KIAA1217: variants seen among roughly 807,000 people sequenced by gnomAD.
The protein encoded by KIAA1217 is sickle tail protein homolog.
Under a neutral mutation model 163.9 loss-of-function variants are expected in KIAA1217, and 88 were observed. That is an observed-to-expected ratio of 0.54 (90% CI 0.45 to 0.64). The LOEUF (loss-of-function observed/expected upper bound fraction) is 0.64. Among genes scored for constraint, KIAA1217 ranks in the 30% least tolerant of loss-of-function variants. The probability of loss-of-function intolerance (pLI) is 0.00; values close to 1 mark genes in which losing one functional copy is unlikely to be tolerated. For synonymous variants in KIAA1217, 903 were observed against 923.1 expected (o/e 0.98, Z 0.39); for missense variants, 2,372 against 2,475.0 (o/e 0.96, Z 0.88).
At chr10:23,718,688 G>T (rs1391926874) in intron 1 of KIAA1217, among the ~76,000 whole-genome samples, 1 of 151,564 alleles carries the variant, frequency 6.6e-6, no homozygotes, top group Non-Finnish European at 1.5e-5. Flanking sequence ...ATAAGTGATA[G>T]GATTTCTCTT....
chr10:23,999,105 A>G (rs1846627077), intron 1 of KIAA1217, among the ~76,000 whole-genome samples: 1 of 152,256 alleles, frequency 6.6e-6, no homozygotes, highest in African/African-American at 2.4e-5. Context: ...TACACAATTT[A>G]TAAGAAAACA....
chr10:24,414,539 A>T (rs2131388353), intron 3 of KIAA1217, among the ~76,000 whole-genome samples: 1 of 152,312 alleles, frequency 6.6e-6, no homozygotes, highest in African/African-American at 2.4e-5. Flanking sequence ...TGGAAAGCCA[A>T]CAATTGTCGT....
At chr10:23,732,928 TG>T in intron 1 of KIAA1217, among the ~76,000 whole-genome samples, 1 of 152,298 alleles carries the variant, frequency 6.6e-6, no homozygotes, top group South Asian at 2.1e-4. Context: ...CATCATACTT[TG>T]GAGAGATACA....
chr10:24,038,159 C>T (rs1848476690), intron 2 of KIAA1217, among the ~76,000 whole-genome samples: 1 of 152,138 alleles, frequency 6.6e-6, no homozygotes, highest in Non-Finnish European at 1.5e-5. Flanking sequence ...TGAAAATATA[C>T]CATGCACTGT....
intron 2 of KIAA1217, among the ~76,000 whole-genome samples, chr10:24,304,539 G>A (rs1042941873): frequency 1.3e-5 from 2 of 151,900 alleles, no homozygotes; most frequent in African/African-American, 2.4e-5. Context: ...ACGGGGTCTC[G>A]TTATGTTGCC....
At chr10:23,784,295 T>C (rs1162755889) in intron 1 of KIAA1217, among the ~76,000 whole-genome samples, 1 of 152,194 alleles carries the variant, frequency 6.6e-6, no homozygotes, top group Non-Finnish European at 1.5e-5. Flanking sequence ...TAGGAATTTT[T>C]TTTAATACCT....
chr10:24,445,475 G>T (rs1020948700), intron 5 of KIAA1217, among the ~76,000 whole-genome samples: 1 of 151,276 alleles, frequency 6.6e-6, no homozygotes, highest in Non-Finnish European at 1.5e-5. Flanking sequence ...TTGGTGTGCT[G>T]CACCCATTAA....
At chr10:24,216,651 A>G (rs2068853228) in intron 1 of KIAA1217, among the ~76,000 whole-genome samples, 1 of 151,554 alleles carries the variant, frequency 6.6e-6, no homozygotes, top group Non-Finnish European at 1.5e-5. Flanking sequence ...ACATGGTGAA[A>G]CCCCATCTCT....
chr10:24,534,629 C>T (rs532619686), intron 16 of KIAA1217, among the ~76,000 whole-genome samples: 1 of 152,140 alleles, frequency 6.6e-6, no homozygotes, highest in Admixed American at 6.5e-5. Flanking sequence ...TCTGTAATCC[C>T]AGCACTTTGG....
intron 2 of KIAA1217, among the ~76,000 whole-genome samples, chr10:24,343,372 G>A (rs930016739): frequency 3.3e-5 from 5 of 149,886 alleles, no homozygotes; most frequent in Middle Eastern, 3.5e-3. Flanking sequence ...AATCATTGAC[G>A]TTAGAGTATA....
chr10:24,224,291 T>C (rs2070137083), intron 2 of KIAA1217, among the ~76,000 whole-genome samples: 2 of 152,172 alleles, frequency 1.3e-5, no homozygotes, highest in Admixed American at 1.3e-4. Flanking sequence ...CTTCACAATA[T>C]GCTAATTCTA....
At chr10:23,806,190 T>A (rs1192088231) in intron 1 of KIAA1217, among the ~76,000 whole-genome samples, 1 of 152,116 alleles carries the variant, frequency 6.6e-6, no homozygotes, top group Non-Finnish European at 1.5e-5. Context: ...TGCACCTGTG[T>A]GCACGTGAGA....
At chr10:24,056,175 A>G (rs892284593) in intron 2 of KIAA1217, among the ~76,000 whole-genome samples, 1 of 152,132 alleles carries the variant, frequency 6.6e-6, no homozygotes, top group African/African-American at 2.4e-5. Flanking sequence ...CTTGAGTCCA[A>G]AGAATAGTGG....
At chr10:24,382,844 C>CTT (rs1161576107) in intron 3 of KIAA1217, among the ~76,000 whole-genome samples, 4 of 44,380 alleles carry the variant, frequency 9.0e-5, no homozygotes, top group Non-Finnish European at 1.2e-4. Flanking sequence ...TTTTTCTTTT[C>CTT]TTTTTTTTTT....
intron 2 of KIAA1217, among the ~76,000 whole-genome samples, chr10:24,015,754 C>CA (rs3072771): frequency 0.25 from 29,814 of 120,764 alleles, 3,549 homozygotes; most frequent in East Asian, 0.43. Context: ...GACTCTGACT[C>CA]AAAAAAAAAA....
intron 2 of KIAA1217, among the ~76,000 whole-genome samples, chr10:24,201,142 G>A (rs754723612): frequency 1.1e-4 from 17 of 151,962 alleles, no homozygotes; most frequent in Admixed American, 2.6e-4. Flanking sequence ...GTGGCGGCAC[G>A]CACCTGTAAT....
chr10:24,109,743 T>A (rs879280604), intron 2 of KIAA1217, among the ~76,000 whole-genome samples: 167 of 152,252 alleles, frequency 1.1e-3, no homozygotes, highest in Middle Eastern at 3.4e-3. Flanking sequence ...TTGGGGGATA[T>A]AAAAAATATA....
chr10:24,051,853 G>A (rs1329551704), intron 2 of KIAA1217, among the ~76,000 whole-genome samples: 1 of 152,112 alleles, frequency 6.6e-6, no homozygotes, highest in Non-Finnish European at 1.5e-5. Flanking sequence ...CTGGATATCA[G>A]TCCTTTTTCA....
chr10:24,034,493 G>T (rs1359010411), intron 2 of KIAA1217, among the ~76,000 whole-genome samples: 5 of 150,736 alleles, frequency 3.3e-5, no homozygotes, highest in Middle Eastern at 3.4e-3. Flanking sequence ...AGCACAGGAG[G>T]TTGAGGCTGC....
Sources: allele counts gnomAD v4.1 joint callset (sites outside exome capture counted in the v4.1 genomes callset), GRCh38; gene constraint gnomAD v4.1.1; transcripts MANE v1.5; gene names NCBI Gene and HGNC (gene_info 2026-07-23, HGNC 2026-07-21).